ABHD6: variants seen among roughly 807,000 people sequenced by gnomAD.
ABHD6 encodes abhydrolase domain containing 6, acylglycerol lipase.
Under a neutral mutation model 38.8 loss-of-function variants are expected in ABHD6, and 33 were observed. The observed-to-expected ratio is 0.85, with a 90% CI of 0.64 to 1.14. The LOEUF (loss-of-function observed/expected upper bound fraction) is 1.14, where lower values mean the gene tolerates loss of function less well. ABHD6 is among the 50% of genes most tolerant of loss of function. The probability of loss-of-function intolerance (pLI) is 0.00; values close to 1 mark genes in which losing one functional copy is unlikely to be tolerated. For synonymous variants in ABHD6, 147 were observed against 161.6 expected, an observed-to-expected ratio of 0.91 and a Z score of 0.69; for missense variants, 380 against 422.6, an observed-to-expected ratio of 0.90 and a Z score of 0.88.
At chr3:58,275,569 C>T (rs150360355) in intron 7 of ABHD6, among the ~76,000 whole-genome samples, 78 of 152,144 alleles carry the variant, frequency 5.1e-4, no homozygotes, top group Non-Finnish European at 1.1e-3. Flanking sequence ...CCCCGTGATC[C>T]GTCCACCTCA....
At chr3:58,240,638 C>G (rs1366726982) in intron 1 of ABHD6, among the ~76,000 whole-genome samples, 1 of 151,900 alleles carries the variant, frequency 6.6e-6, no homozygotes, top group African/African-American at 2.4e-5. Context: ...AATCTTAGCT[C>G]ACTGTAACTT....
rs1484676921 is a variant in ABHD6, at chr3:58,269,732, G to C, written c.390+298G>C. Among the ~76,000 whole-genome samples the C allele has an allele frequency of 6.6e-6, 1 of 152,158 alleles. No individual in the cohort carries two copies. Among genetic ancestry groups the C allele is most frequent in the Non-Finnish European group, 1.5e-5 (1 of 68,006 alleles). Reference sequence around the variant, plus strand: ...TTTCTTAAAACCAATTCCCTTCCTAGGGATCTCTCTTTCTGCTCACCAGTT... The same window carrying C: ...TTTCTTAAAACCAATTCCCTTCCTACGGATCTCTCTTTCTGCTCACCAGTT... On this transcript the variant is annotated intron_variant, in intron 5 of 9. Transcript: ENST00000478253. The surrounding 1 kb of genome is among the most constrained non-coding windows in gnomAD (Gnocchi z 4.4).
chr3:58,271,027 A>G lies in ABHD6; in HGVS notation c.486A>G (p.Pro162=), dbSNP rs755188269. Residue 162 remains proline, a synonymous_variant, in exon 6 of 10, where the codon CCA becomes CCG. Coordinates refer to ENST00000478253, the MANE Select transcript of ABHD6 (RefSeq NM_001320126.2). The part of the protein sequence containing the change: ...QVAGVYAAYY[P]SDVSSLCLVC... The stretch of plus-strand genomic sequence containing the variant: ...CTGGGGTGTATGCTGCTTACTACCC[A>G]TCGGATGTCTCCAGCCTGTGTCTCG... The G allele has an allele frequency of 3.1e-6, 5 of 1,612,152 alleles. No individual in the cohort carries two copies. The highest frequency in any genetic ancestry group is 4.2e-6 in the Non-Finnish European group (5 of 1,179,474).
rs527980751 is a variant in ABHD6 at position 58,249,580 on chromosome 3, T to C, written c.-90-298T>C. 2.0e-5 allele frequency among the ~76,000 whole-genome samples: 3 copies of C among 152,340 alleles called. No individual in the cohort carries two copies. In the East Asian group the frequency reaches 5.8e-4, roughly 29 times the overall value. ...CCCCGATGGAGGAGAGCTTTAACTA[T>C]CGTTCCATGCTTGACTACTTACCAG... On this transcript the variant is annotated intron_variant, in intron 1 of 9. Transcript: ENST00000478253.
At chr3:58,268,222 A>G (rs1393486015) in intron 4 of ABHD6, among the ~76,000 whole-genome samples, 1 of 152,212 alleles carries the variant, frequency 6.6e-6, no homozygotes, top group African/African-American at 2.4e-5. Flanking sequence ...ACACAGCTGC[A>G]TCTCAGAACT....
chr3:58,272,270 T>G (rs2097445586), intron 6 of ABHD6, among the ~76,000 whole-genome samples: 1 of 152,174 alleles, frequency 6.6e-6, no homozygotes, highest in Admixed American at 6.5e-5. Flanking sequence ...GAAATTACAT[T>G]AGTGCCAAAA....
chr3:58,284,071 T>G (rs2097455254), intron 7 of ABHD6, among the ~76,000 whole-genome samples: 1 of 151,462 alleles, frequency 6.6e-6, no homozygotes, highest in Non-Finnish European at 1.5e-5. Context: ...AGGAGAGGAG[T>G]AGAGGAGTAC....
intron 9 of ABHD6, among the ~76,000 whole-genome samples, chr3:58,290,171 AC>A (rs1223542994): frequency 4.0e-5 from 3 of 75,308 alleles, no homozygotes; most frequent in Non-Finnish European, 5.0e-5. Flanking sequence ...CGGGGGGCTG[AC>A]CCCCCCACCT....
intron 7 of ABHD6, among the ~76,000 whole-genome samples, chr3:58,282,202 T>C (rs980314843): frequency 6.6e-6 from 1 of 152,052 alleles, no homozygotes; most frequent in South Asian, 2.1e-4. Context: ...TAGGACCTTA[T>C]AGGTACGGAA....
rs1322120518 is a variant in ABHD6 at position 58,251,315 on chromosome 3, T to A, written c.-26+1373T>A. Among the ~76,000 whole-genome samples the A allele has an allele frequency of 1.4e-5, 2 of 143,054 alleles. No homozygotes were observed. Among genetic ancestry groups the A allele is most frequent in the African/African-American group, 2.6e-5 (1 of 38,736 alleles). 93.8% of individuals were successfully genotyped at this position (143,054 alleles called of 152,430 possible). ...CTGGCTGACAGAGCGAGACTCCATC[T>A]AAAAAAAAAAAAGAAAGAAAAAAAG... On this transcript the variant is annotated intron_variant, in intron 2 of 9. Coordinates refer to ENST00000478253, the MANE Select transcript of ABHD6 (RefSeq NM_001320126.2). This position sits in a 1 kb window ranked among gnomAD's most constrained non-coding sequence, Gnocchi z 5.4.
rs184490035 is a variant in ABHD6, at chr3:58,288,164, T to C, written c.837+2711T>C. On this transcript the variant is annotated intron_variant, in intron 9 of 9. Coordinates refer to ENST00000478253, the MANE Select transcript of ABHD6 (RefSeq NM_001320126.2). ...ATAGCAGAGGCTTCAGGGAGTCTTT[T>C]ATTTCACAGCCTTTTGCCTCCCAAG... 3.8e-4 allele frequency among the ~76,000 whole-genome samples: 58 copies of C among 152,338 alleles called. 1 individual carries two copies. The East Asian group carries it at 0.01, about 27-fold the overall frequency.
rs2097435478 is a variant in ABHD6, at chr3:58,259,402, G to A, written c.119+2697G>A. Among the ~76,000 whole-genome samples, 1 of 152,172 alleles carries A rather than the reference G, an allele frequency of 6.6e-6. No individual in the cohort carries two copies. Among genetic ancestry groups the A allele is most frequent in the Non-Finnish European group, 1.5e-5 (1 of 68,018 alleles). On this transcript the variant is annotated intron_variant, in intron 3 of 9. Transcript: ENST00000478253. This position sits in a 1 kb window ranked among gnomAD's most constrained non-coding sequence, Gnocchi z 4.7. The stretch of plus-strand genomic sequence containing the variant: ...ATTTTAAAGTGTACAATTCAAGGCT[G>A]GGCACGATGGCTCACACCTGTAATC...
At chr3:58,262,735 G>A (rs913553048) in intron 3 of ABHD6, among the ~76,000 whole-genome samples, 3 of 152,166 alleles carry the variant, frequency 2.0e-5, no homozygotes, top group African/African-American at 7.2e-5. Context: ...GTATCTTAGA[G>A]TCATCTTCCT....
intron 2 of ABHD6, among the ~76,000 whole-genome samples, chr3:58,253,675 C>T (rs544758970): frequency 2.0e-5 from 3 of 152,178 alleles, no homozygotes; most frequent in Non-Finnish European, 2.9e-5. Flanking sequence ...CTGTGCCATA[C>T]TTGACACTGA....
intron 1 of ABHD6, among the ~76,000 whole-genome samples, chr3:58,248,242 A>G (rs2097427728): frequency 2.0e-5 from 3 of 152,324 alleles, no homozygotes; most frequent in South Asian, 2.1e-4. Flanking sequence ...GTGGCTATAT[A>G]TGTTTCTTTG....
chr3:58,280,804 A>T (rs191288161), intron 7 of ABHD6, among the ~76,000 whole-genome samples: 42 of 149,728 alleles, frequency 2.8e-4, no homozygotes, highest in Admixed American at 1.9e-3. Context: ...GTTAATGTTG[A>T]TGCTATTCCT....
chr3:58,264,364 A>G (rs2097439219), intron 3 of ABHD6, among the ~76,000 whole-genome samples: 3 of 147,992 alleles, frequency 2.0e-5, no homozygotes, highest in Admixed American at 6.9e-5. Flanking sequence ...GAAAGCCTGA[A>G]CTTTATAACT....
At chr3:58,274,559 A>G (rs895934837) in intron 6 of ABHD6, 99 bp from the exon 7 acceptor site, 2 of 1,283,300 alleles carry the variant, frequency 1.6e-6, no homozygotes, top group African/African-American at 3.0e-5. Flanking sequence ...TAAACCTGAA[A>G]TATATTAACT....
rs2097443295 is a variant in ABHD6, at chr3:58,269,495, G to A, written c.390+61G>A. On this transcript the variant is annotated intron_variant, in intron 5 of 9. Coordinates refer to ENST00000478253, the MANE Select transcript of ABHD6 (RefSeq NM_001320126.2). This position sits in a 1 kb window ranked among gnomAD's most constrained non-coding sequence, Gnocchi z 4.4. ...GTCTCAGCCACCATTACATGTCTGA[G>A]TCTGGAGAGCAGGGAAGGGAGTCCT... 1.5e-6 allele frequency: 2 copies of A among 1,326,756 alleles called. No individual in the cohort carries two copies. Among genetic ancestry groups the A allele is most frequent in the Admixed American group, 3.6e-5 (2 of 55,080 alleles). The allele number at this position is 1,326,756 out of a possible 1,614,324, so 82.2% of individuals were successfully genotyped here.
Sources: gnomAD v4.1 joint callset for allele counts (sites outside exome capture counted in the v4.1 genomes callset) on GRCh38, gnomAD v4.1.1 for gene constraint, Gnocchi (gnomAD v3.1) non-coding constraint, MANE v1.5 for transcripts, NCBI Gene and HGNC (gene_info 2026-07-23, HGNC 2026-07-21) for gene names.